QTMAN: variants seen among roughly 807,000 people sequenced by gnomAD.
QTMAN encodes queuosine-tRNA mannosyltransferase.
chr2:144,132,803 G>A, the QTMAN span, among the ~76,000 whole-genome samples: 2 of 151,694 alleles, frequency 1.3e-5, no homozygotes, highest in Middle Eastern at 6.3e-3. Flanking sequence ...TAACAAAAAT[G>A]GTGATAATGA....
the QTMAN span, among the ~76,000 whole-genome samples, chr2:144,132,107 T>G: frequency 6.6e-6 from 1 of 151,872 alleles, no homozygotes; most frequent in Non-Finnish European, 1.5e-5. Flanking sequence ...GATCTTAACC[T>G]GAAGATTAAA....
the QTMAN span, among the ~76,000 whole-genome samples, chr2:144,167,531 G>T: frequency 6.6e-6 from 1 of 152,042 alleles, no homozygotes; most frequent in Non-Finnish European, 1.5e-5. Flanking sequence ...TGAATCACGG[G>T]GATGGTTTCC....
chr2:144,239,609 C>T, the QTMAN span, among the ~76,000 whole-genome samples: 1 of 152,100 alleles, frequency 6.6e-6, no homozygotes, highest in Non-Finnish European at 1.5e-5. Flanking sequence ...TAGGGGTGTA[C>T]CCAGCCCTTT....
the QTMAN span, among the ~76,000 whole-genome samples, chr2:143,972,419 T>C: frequency 7.9e-5 from 12 of 152,196 alleles, no homozygotes; most frequent in Non-Finnish European, 1.8e-4. Context: ...ACCTAAGAGA[T>C]CTTATATTTT....
At chr2:144,139,370 T>C in the QTMAN span, among the ~76,000 whole-genome samples, 1 of 151,982 alleles carries the variant, frequency 6.6e-6, no homozygotes, top group Non-Finnish European at 1.5e-5. Context: ...AATAACCTTT[T>C]GTTGTGGGTC....
the QTMAN span, among the ~76,000 whole-genome samples, chr2:144,267,697 G>A: frequency 2.0e-5 from 3 of 152,142 alleles, no homozygotes; most frequent in Non-Finnish European, 4.4e-5. Flanking sequence ...TAGGACTTAG[G>A]TTTTTAAAAA....
the QTMAN span, among the ~76,000 whole-genome samples, chr2:144,225,679 T>C: frequency 3.3e-5 from 5 of 152,220 alleles, no homozygotes; most frequent in African/African-American, 1.2e-4. Flanking sequence ...TTCCTACATA[T>C]AGACATATAG....
the QTMAN span, among the ~76,000 whole-genome samples, chr2:144,198,548 A>C: frequency 2.0e-5 from 3 of 152,220 alleles, no homozygotes; most frequent in African/African-American, 7.2e-5. Flanking sequence ...GCATACAGCC[A>C]AAACACAGGA....
the QTMAN span, among the ~76,000 whole-genome samples, chr2:144,098,638 C>T: frequency 6.6e-6 from 1 of 151,572 alleles, no homozygotes; most frequent in South Asian, 2.1e-4. Flanking sequence ...TCGCTTGAAC[C>T]TGGGAGGCGG....
At chr2:144,213,315 C>T in the QTMAN span, among the ~76,000 whole-genome samples, 2 of 152,090 alleles carry the variant, frequency 1.3e-5, no homozygotes, top group Admixed American at 1.3e-4. Context: ...TTTAGAACTG[C>T]TGTGGTAGTT....
the QTMAN span, among the ~76,000 whole-genome samples, chr2:144,116,014 GC>G: frequency 1.3e-5 from 2 of 152,140 alleles, no homozygotes; most frequent in Non-Finnish European, 2.9e-5. Flanking sequence ...GCAGGGAAGA[GC>G]AGAAATCTCC....
At chr2:144,110,026 C>A in the QTMAN span, among the ~76,000 whole-genome samples, 1 of 152,308 alleles carries the variant, frequency 6.6e-6, no homozygotes, top group South Asian at 2.1e-4. Flanking sequence ...TTTGACCCAG[C>A]CATCCCATTA....
At chr2:144,111,284 A>G in the QTMAN span, among the ~76,000 whole-genome samples, 1 of 152,096 alleles carries the variant, frequency 6.6e-6, no homozygotes, top group Non-Finnish European at 1.5e-5. Flanking sequence ...CCTGGCTATA[A>G]CCATCCTAAC....
the QTMAN span, among the ~76,000 whole-genome samples, chr2:144,143,428 A>G: frequency 6.6e-6 from 1 of 152,004 alleles, no homozygotes; most frequent in South Asian, 2.1e-4. Context: ...TTTAAGTCAT[A>G]TTTGCTGAGA....
chr2:144,268,520 T>C, the QTMAN span, among the ~76,000 whole-genome samples: 1 of 152,116 alleles, frequency 6.6e-6, no homozygotes, highest in African/African-American at 2.4e-5. Flanking sequence ...GGTGGCCATC[T>C]GCTAACCAGG....
chr2:144,326,586 C>CAAAAAAA, the QTMAN span, among the ~76,000 whole-genome samples: 1 of 43,736 alleles, frequency 2.3e-5, no homozygotes, highest in Non-Finnish European at 5.0e-5. Context: ...GACTCCATCT[C>CAAAAAAA]AAAAAAAAAA....
At chr2:144,090,233 A>AT in the QTMAN span, among the ~76,000 whole-genome samples, 1 of 152,130 alleles carries the variant, frequency 6.6e-6, no homozygotes, top group Non-Finnish European at 1.5e-5. Context: ...TAAGGGACAC[A>AT]TAAGAAAAAT....
chr2:143,995,578 T>C, the QTMAN span, among the ~76,000 whole-genome samples: 242 of 152,096 alleles, frequency 1.6e-3, 1 homozygote, highest in East Asian at 0.035. Context: ...AGTTAGAGAG[T>C]AGATAACTTG....
At chr2:143,968,712 T>C in the QTMAN span, among the ~76,000 whole-genome samples, 2 of 152,178 alleles carry the variant, frequency 1.3e-5, no homozygotes, top group Non-Finnish European at 2.9e-5. Flanking sequence ...CAAACAAAAC[T>C]GAACTTATGA....
Sources: gnomAD v4.1 joint callset for allele counts (sites outside exome capture counted in the v4.1 genomes callset) on GRCh38, gnomAD v4.1.1 for gene constraint, MANE v1.5 for transcripts, NCBI Gene and HGNC (gene_info 2026-07-23, HGNC 2026-07-21) for gene names.